The following LRP1B variants were observed in gnomAD, a reference collection of about 807,000 sequenced individuals.
The protein encoded by LRP1B is low-density lipoprotein receptor-related protein 1B.
LRP1B carries 217 observed loss-of-function variants against 556.6 expected under a neutral mutation model. That is an observed-to-expected ratio of 0.39 (90% CI 0.35 to 0.44). The LOEUF is 0.44. LRP1B is among the 20% of genes least tolerant of loss of function. The pLI is 1.00. For missense variants in LRP1B, 5,053 were observed against 5,620.8 expected, an observed-to-expected ratio of 0.90 and a Z score of 3.23; for synonymous variants, 2,047 against 1,865.8, an observed-to-expected ratio of 1.10 and a Z score of -2.50.
intron 3 of LRP1B, among the ~76,000 whole-genome samples, chr2:141,420,994 T>TA (rs1680116554): frequency 6.6e-6 from 1 of 152,176 alleles, no homozygotes; most frequent in Non-Finnish European, 1.5e-5. Context: ...CCAACATGGG[T>TA]AAAATTAAAC....
intron 86 of LRP1B, among the ~76,000 whole-genome samples, chr2:140,261,742 G>C (rs1681952591): frequency 1.3e-5 from 2 of 151,610 alleles, no homozygotes; most frequent in Non-Finnish European, 1.5e-5. Flanking sequence ...TGTATCATAG[G>C]GTCTCATTTT....
intron 2 of LRP1B, among the ~76,000 whole-genome samples, chr2:141,485,856 T>C (rs1683100855): frequency 6.6e-6 from 1 of 152,116 alleles, no homozygotes; most frequent in African/African-American, 2.4e-5. Flanking sequence ...ATTTGAACAT[T>C]TCACAGCCAG....
chr2:142,050,412 A>G (rs1704414696), intron 1 of LRP1B, among the ~76,000 whole-genome samples: 1 of 152,210 alleles, frequency 6.6e-6, no homozygotes, highest in East Asian at 1.9e-4. Context: ...CAATAGGAAA[A>G]CATTGTTTTG....
intron 43 of LRP1B, among the ~76,000 whole-genome samples, chr2:140,590,375 T>C (rs1383903330): frequency 6.6e-6 from 1 of 150,466 alleles, no homozygotes; most frequent in Non-Finnish European, 1.5e-5. Context: ...GCTTTTTTCC[T>C]ATAGAAAATG....
At chr2:140,726,318 T>G (rs1687592053) in intron 35 of LRP1B, among the ~76,000 whole-genome samples, 1 of 152,260 alleles carries the variant, frequency 6.6e-6, no homozygotes, top group Admixed American at 6.5e-5. Flanking sequence ...TTTAACTTGC[T>G]TAAAAAAATA....
chr2:141,044,736 G>C (rs1340899036), intron 11 of LRP1B, among the ~76,000 whole-genome samples: 1 of 148,898 alleles, frequency 6.7e-6, no homozygotes, highest in Admixed American at 6.7e-5. Flanking sequence ...TCTCACACCA[G>C]TTAGAATGGC....
chr2:141,210,324 A>G (rs1327274238), intron 6 of LRP1B, among the ~76,000 whole-genome samples: 4 of 151,862 alleles, frequency 2.6e-5, no homozygotes, highest in African/African-American at 7.3e-5. Context: ...AATGACAATA[A>G]TTATACTTAA....
intron 2 of LRP1B, among the ~76,000 whole-genome samples, chr2:141,551,870 A>G (rs796286857): frequency 3.2e-4 from 48 of 152,150 alleles, no homozygotes; most frequent in African/African-American, 1.1e-3. Flanking sequence ...GGTGTTCAGG[A>G]ATATTCCTCA....
intron 41 of LRP1B, among the ~76,000 whole-genome samples, chr2:140,683,082 C>T (rs950056761): frequency 1.3e-5 from 2 of 152,182 alleles, no homozygotes; most frequent in Non-Finnish European, 2.9e-5. Flanking sequence ...TGGCAGACTA[C>T]GCTGATGCAA....
intron 14 of LRP1B, among the ~76,000 whole-genome samples, chr2:141,011,016 A>G (rs1218836188): frequency 1.3e-5 from 2 of 149,014 alleles, no homozygotes; most frequent in East Asian, 3.9e-4. Flanking sequence ...TAAAAAATAT[A>G]AATAAATATA....
chr2:141,860,175 G>A (rs189097907), intron 1 of LRP1B, among the ~76,000 whole-genome samples: 15 of 151,954 alleles, frequency 9.9e-5, no homozygotes, highest in South Asian at 4.2e-4. Flanking sequence ...TGTGGGAGTC[G>A]GAAAGAAAAT....
chr2:141,072,429 T>C (rs143383257), intron 7 of LRP1B, among the ~76,000 whole-genome samples: 113 of 152,204 alleles, frequency 7.4e-4, no homozygotes, highest in African/African-American at 2.6e-3. Flanking sequence ...CTTTATTCTT[T>C]GTTTCCTTGG....
At chr2:140,887,724 A>G (rs7581132) in intron 23 of LRP1B, among the ~76,000 whole-genome samples, 3,122 of 152,310 alleles carry the variant, frequency 0.02, 97 homozygotes, top group African/African-American at 0.07. Context: ...TTATTCATCA[A>G]TACAAAGAAA....
chr2:140,877,744 G>T (rs568674094), intron 25 of LRP1B, among the ~76,000 whole-genome samples: 1 of 152,068 alleles, frequency 6.6e-6, no homozygotes, highest in African/African-American at 2.4e-5. Flanking sequence ...CCTTTGCTTC[G>T]AGTTGTCCCA....
intron 10 of LRP1B, among the ~76,000 whole-genome samples, chr2:141,050,027 T>C (rs16845213): frequency 0.24 from 36,734 of 151,822 alleles, 5,028 homozygotes; most frequent in East Asian, 0.45. Flanking sequence ...GAGCATCTTA[T>C]ACTTGGTTAA....
intron 1 of LRP1B, among the ~76,000 whole-genome samples, chr2:141,815,291 C>T (rs910832915): frequency 1.3e-5 from 2 of 152,168 alleles, no homozygotes. Flanking sequence ...TCTCAAGGAA[C>T]TGAGAAGCAG....
chr2:141,728,084 G>A (rs2105512329), intron 2 of LRP1B, among the ~76,000 whole-genome samples: 1 of 152,206 alleles, frequency 6.6e-6, no homozygotes, highest in African/African-American at 2.4e-5. Context: ...TTCATGAGGT[G>A]TAACAGCTAC....
chr2:140,622,146 C>T (rs958347140), intron 41 of LRP1B, among the ~76,000 whole-genome samples: 1 of 152,092 alleles, frequency 6.6e-6, no homozygotes, highest in African/African-American at 2.4e-5. Context: ...TGGTTTAGCA[C>T]CAAAAAATTA....
intron 2 of LRP1B, among the ~76,000 whole-genome samples, chr2:141,610,998 C>T (rs750870300): frequency 7.2e-5 from 11 of 152,090 alleles, no homozygotes; most frequent in Non-Finnish European, 1.6e-4. Flanking sequence ...TCCTGAAAGC[C>T]CCCTGAGAGA....
Sources: gnomAD v4.1 joint callset for allele counts (sites outside exome capture counted in the v4.1 genomes callset) on GRCh38, gnomAD v4.1.1 for gene constraint, MANE v1.5 for transcripts, NCBI Gene and HGNC (gene_info 2026-07-23, HGNC 2026-07-21) for gene names.